The following RPTOR variants were observed in gnomAD, a reference collection of about 807,000 sequenced individuals.
RPTOR encodes the protein regulatory-associated protein of mTOR.
RPTOR carries 21 observed loss-of-function variants against 169.9 expected under a neutral mutation model. The ratio of observed to expected loss-of-function variants is 0.12; its 90% CI spans 0.09 to 0.18. RPTOR has a LOEUF of 0.18. Among genes scored for constraint, RPTOR ranks in the 10% least tolerant of loss-of-function variants. The pLI is 1.00. For missense variants in RPTOR, 1,133 were observed against 1,855.9 expected (o/e 0.61, Z 7.16); for synonymous variants, 732 against 753.2 (o/e 0.97, Z 0.46).
At chr17:80,954,762 C>A (rs1244739904) in intron 28 of RPTOR, among the ~76,000 whole-genome samples, 1 of 152,104 alleles carries the variant, frequency 6.6e-6, no homozygotes, top group Admixed American at 6.5e-5. Flanking sequence ...ACTAAAAATA[C>A]AAAAATTAGC....
At chr17:80,898,186 T>G (rs9893409) in intron 20 of RPTOR, among the ~76,000 whole-genome samples, 7,218 of 152,296 alleles carry the variant, frequency 0.047, 338 homozygotes, top group African/African-American at 0.12. Flanking sequence ...TTTATTCTTC[T>G]AGGATTTTAT....
intron 5 of RPTOR, among the ~76,000 whole-genome samples, chr17:80,748,649 A>C (rs894773252): frequency 1.4e-5 from 1 of 72,640 alleles, no homozygotes; most frequent in Admixed American, 1.6e-4. Flanking sequence ...TGGCGAGAGG[A>C]CCTGTTGGGT....
chr17:80,587,156 C>A (rs1233465244), intron 1 of RPTOR, among the ~76,000 whole-genome samples: 2 of 152,280 alleles, frequency 1.3e-5, no homozygotes, highest in African/African-American at 4.8e-5. Context: ...CCCCTCTGGC[C>A]TCCCCCGCAG....
At chr17:80,699,573 CT>C (rs2066066180) in intron 3 of RPTOR, among the ~76,000 whole-genome samples, 1 of 118,860 alleles carries the variant, frequency 8.4e-6, no homozygotes, top group African/African-American at 4.0e-5. Context: ...TGATGGGGAG[CT>C]AGAGGTGCTG....
At chr17:80,696,779 A>G (rs2066040787) in intron 3 of RPTOR, among the ~76,000 whole-genome samples, 1 of 152,178 alleles carries the variant, frequency 6.6e-6, no homozygotes, top group Admixed American at 6.5e-5. Flanking sequence ...CCAAGCACCA[A>G]TACAGGAGCA....
At chr17:80,729,026 C>G (rs1425171212) in intron 4 of RPTOR, among the ~76,000 whole-genome samples, 2 of 152,202 alleles carry the variant, frequency 1.3e-5, no homozygotes, top group African/African-American at 4.8e-5. Flanking sequence ...CCACACACCC[C>G]CCACACATCT....
intron 3 of RPTOR, among the ~76,000 whole-genome samples, chr17:80,699,569 G>T (rs1456537918): frequency 1.6e-5 from 2 of 128,952 alleles, no homozygotes; most frequent in African/African-American, 3.5e-5. Flanking sequence ...GCAGTGATGG[G>T]GAGCTAGAGG....
intron 24 of RPTOR, among the ~76,000 whole-genome samples, chr17:80,933,389 A>G (rs1487650402): frequency 1.3e-5 from 2 of 152,240 alleles, no homozygotes; most frequent in East Asian, 3.8e-4. Flanking sequence ...ATTTATAATC[A>G]TAGCAAAAAT....
At chr17:80,657,072 C>T (rs2065685452) in intron 3 of RPTOR, among the ~76,000 whole-genome samples, 1 of 152,186 alleles carries the variant, frequency 6.6e-6, no homozygotes, top group African/African-American at 2.4e-5. Flanking sequence ...TTTTCACAGC[C>T]CTGTTCTTGC....
At chr17:80,613,731 C>T (rs939664899) in intron 1 of RPTOR, among the ~76,000 whole-genome samples, 3 of 126,882 alleles carry the variant, frequency 2.4e-5, no homozygotes, top group African/African-American at 6.4e-5. Flanking sequence ...GGCTGGGCCG[C>T]GTGTTGTGTG....
rs146259280 is a variant in RPTOR, at chr17:80,611,769, T to TAA, written c.163-13915_163-13914dup. Among the ~76,000 whole-genome samples, 1,312 of 142,742 alleles carry TAA rather than the reference T, an allele frequency of 9.2e-3. 3 individuals carry two copies. The highest frequency in any genetic ancestry group is 0.014 in the South Asian group (60 of 4,250). 93.6% of individuals were successfully genotyped at this position (142,742 alleles called of 152,430 possible). On this transcript the variant is annotated intron_variant, in intron 1 of 33. Coordinates refer to ENST00000306801, the MANE Select transcript of RPTOR (RefSeq NM_020761.3). ...TCTTTTATAGCTGTTTTTTTTTTTT[T>TAA]AAAAAAAACAAAATCTACTCATTAT...
At chr17:80,911,241 C>T (rs1367962650) in intron 21 of RPTOR, among the ~76,000 whole-genome samples, 1 of 152,176 alleles carries the variant, frequency 6.6e-6, no homozygotes, top group Non-Finnish European at 1.5e-5. Flanking sequence ...GACTCTGCCA[C>T]TTCCTTCGTC....
intron 1 of RPTOR, among the ~76,000 whole-genome samples, chr17:80,603,515 G>A (rs1273411377): frequency 2.0e-5 from 3 of 152,210 alleles, no homozygotes; most frequent in African/African-American, 2.4e-5. Flanking sequence ...TGCAAATGTG[G>A]TGCTGGGTGG....
intron 1 of RPTOR, among the ~76,000 whole-genome samples, chr17:80,604,896 G>A (rs1311587493): frequency 2.6e-5 from 4 of 151,434 alleles, no homozygotes; most frequent in Non-Finnish European, 5.9e-5. Context: ...TTCAAGATGA[G>A]AACACAGAGC....
rs568895599 is a variant in RPTOR, at chr17:80,604,141, A to G, written c.163-21550A>G. ...AATAAAAACCTGAAAACAAGCGAAT[A>G]TTGACATGTACATCACCACTTTCAA... On this transcript the variant is annotated intron_variant, in intron 1 of 33. Coordinates refer to ENST00000306801, the MANE Select transcript of RPTOR (RefSeq NM_020761.3). Among the ~76,000 whole-genome samples, 8 of 152,328 alleles carry G rather than the reference A, an allele frequency of 5.3e-5. No homozygotes were observed. In the South Asian group the frequency reaches 1.7e-3, roughly 32 times the overall value.
rs774878799 is a variant in RPTOR, at chr17:80,957,743, G to T, written c.3477+13G>T. 2.5e-6 allele frequency: 4 copies of T among 1,611,690 alleles called. 1 individual carries two copies. In the Admixed American group the frequency reaches 6.7e-5, roughly 27 times the overall value. On this transcript the variant is annotated intron_variant, in intron 29 of 33. Transcript: ENST00000306801. This position sits in a 1 kb window ranked among gnomAD's most constrained non-coding sequence, Gnocchi z 4.6. ...GATGAAGGTGCAGGTAACCATGCAG[G>T]TGTCCCCCAAGCCCTGGGCCTGTGG...
intron 6 of RPTOR, among the ~76,000 whole-genome samples, chr17:80,783,590 A>T (rs1202741000): frequency 6.6e-6 from 1 of 152,240 alleles, no homozygotes; most frequent in Non-Finnish European, 1.5e-5. Context: ...TGGAAGGTGT[A>T]TTCCATTGCC....
At chr17:80,908,978 A>G (rs1201886764) in intron 21 of RPTOR, 49 bp downstream of exon 21, 1 of 1,316,860 alleles carries the variant, frequency 7.6e-7, no homozygotes, top group Admixed American at 1.7e-5. Context: ...GTTCTCGGTT[A>G]CGAGTATGCA....
rs1347065106 is a variant in RPTOR at position 80,562,157 on chromosome 17, C to G, written c.162+16366C>G. 6.6e-6 allele frequency among the ~76,000 whole-genome samples: 1 copy of G among 152,074 alleles called. No homozygotes were observed. The highest frequency in any genetic ancestry group is 1.9e-4 in the East Asian group (1 of 5,186). On this transcript the variant is annotated intron_variant, in intron 1 of 33. Transcript: ENST00000306801. The surrounding 1 kb of genome is among the most constrained non-coding windows in gnomAD (Gnocchi z 4.4). ...AGCCCCTGGAAGCAGAATTGCGACC[C>G]TTGGTGACTGCTTGGGTGCAGGAGG... is the stretch of plus-strand genomic sequence containing the variant.
Sources: allele counts gnomAD v4.1 joint callset (sites outside exome capture counted in the v4.1 genomes callset), GRCh38; gene constraint gnomAD v4.1.1; non-coding constraint Gnocchi (gnomAD v3.1); transcripts MANE v1.5; gene names NCBI Gene and HGNC (gene_info 2026-07-23, HGNC 2026-07-21).